The following RBFOX1 variants were observed in gnomAD, a reference collection of about 807,000 sequenced individuals.
RBFOX1 encodes RNA binding fox-1 homolog 1.
A neutral mutation model predicts 57.7 loss-of-function variants in RBFOX1; 8 were observed. That is an observed-to-expected ratio of 0.14 (90% confidence interval 0.08 to 0.25). RBFOX1 has a LOEUF of 0.25. Ranked by LOEUF, RBFOX1 falls within the 10% of genes least tolerant of loss-of-function variation. The pLI is 1.00. For synonymous variants in RBFOX1, 326 were observed against 222.4 expected, an observed-to-expected ratio of 1.47 and a Z score of -4.15; for missense variants, 611 against 548.5, an observed-to-expected ratio of 1.11 and a Z score of -1.14.
chr16:5,935,514 T>C (rs1035212231), intron 4 of RBFOX1, among the ~76,000 whole-genome samples: 19 of 152,222 alleles, frequency 1.2e-4, no homozygotes, highest in Admixed American at 2.0e-4. Context: ...CTGGGGTGAT[T>C]AGGGCCGGTG....
At chr16:5,878,008 C>G (rs1373863571) in intron 4 of RBFOX1, among the ~76,000 whole-genome samples, 2 of 152,218 alleles carry the variant, frequency 1.3e-5, no homozygotes, top group Non-Finnish European at 2.9e-5. Flanking sequence ...CACACTTGCT[C>G]TAGAACCAGT....
Position 5,407,679 on chromosome 16 carries a change from G to A in RBFOX1, c.220-59537G>A, listed in dbSNP as rs766894422. Among the ~76,000 whole-genome samples, 9 of 152,196 alleles carry A rather than the reference G, an allele frequency of 5.9e-5. No individual in the cohort carries two copies. The South Asian group carries it at 1.9e-3, about 32-fold the overall frequency. On this transcript the variant is annotated intron_variant, in intron 1 of 2. Coordinates refer to the RBFOX1 transcript ENST00000585867. ...TTATCCTGCCTCAGCCTCCTGAGTA[G>A]CTGGGATTACAGGGACCCACCACCA...
At chr16:7,444,484 A>G (rs1233600187) in intron 4 of RBFOX1, among the ~76,000 whole-genome samples, 1 of 152,180 alleles carries the variant, frequency 6.6e-6, no homozygotes, top group Non-Finnish European at 1.5e-5. Context: ...AGCTTTATAA[A>G]TAATAAAGAT....
At chr16:7,452,158 G>C (rs2098870941) in intron 4 of RBFOX1, among the ~76,000 whole-genome samples, 1 of 152,238 alleles carries the variant, frequency 6.6e-6, no homozygotes, top group African/African-American at 2.4e-5. Context: ...ATCCAGCCAA[G>C]TTACAGGCAG....
chr16:5,788,765 C>T (rs1206439044), intron 3 of RBFOX1, among the ~76,000 whole-genome samples: 1 of 152,046 alleles, frequency 6.6e-6, no homozygotes, highest in Non-Finnish European at 1.5e-5. Context: ...ACACAGCATC[C>T]CGAGAGTGAC....
At chr16:6,301,610 G>A (rs1255353225) in intron 1 of RBFOX1, among the ~76,000 whole-genome samples, 4 of 152,010 alleles carry the variant, frequency 2.6e-5, no homozygotes, top group Admixed American at 2.0e-4. Context: ...TGTCTGAGGA[G>A]GTGTGTGGGA....
chr16:6,071,130 C>G (rs1288806802), intron 1 of RBFOX1, among the ~76,000 whole-genome samples: 2 of 152,076 alleles, frequency 1.3e-5, no homozygotes, highest in Non-Finnish European at 2.9e-5. Flanking sequence ...TTCTACCAGC[C>G]TGGGTAACAT....
chr16:7,683,033 T>TATATATATATATATATAA (rs374375329), intron 14 of RBFOX1, among the ~76,000 whole-genome samples: 271 of 25,800 alleles, frequency 0.011, 17 homozygotes, highest in Middle Eastern at 0.017. Context: ...TATATATATA[T>TATATATATATATATATAA]AAAACAGTGC....
At chr16:5,848,616 C>T (rs2056814189) in intron 3 of RBFOX1, among the ~76,000 whole-genome samples, 1 of 152,088 alleles carries the variant, frequency 6.6e-6, no homozygotes, top group Non-Finnish European at 1.5e-5. Context: ...GCAAGGAAGT[C>T]TTCCTACAGC....
At chr16:5,443,566 C>T (rs1409448902) in intron 1 of RBFOX1, among the ~76,000 whole-genome samples, 2 of 152,270 alleles carry the variant, frequency 1.3e-5, no homozygotes, top group Non-Finnish European at 2.9e-5. Context: ...TCTTAAACTC[C>T]TGGCCTCAAG....
intron 3 of RBFOX1, among the ~76,000 whole-genome samples, chr16:6,804,733 T>G (rs1257727023): frequency 1.3e-5 from 2 of 152,142 alleles, no homozygotes; most frequent in Non-Finnish European, 2.9e-5. Context: ...ACTGTTTACT[T>G]CATGAGAGCC....
intron 4 of RBFOX1, among the ~76,000 whole-genome samples, chr16:7,488,773 T>C (rs894939806): frequency 6.6e-6 from 1 of 152,242 alleles, no homozygotes; most frequent in Non-Finnish European, 1.5e-5. Flanking sequence ...TTTGTATATG[T>C]ATACATCTAT....
chr16:6,633,600 T>C (rs12930301), intron 2 of RBFOX1, among the ~76,000 whole-genome samples: 9,694 of 152,176 alleles, frequency 0.064, 400 homozygotes, highest in Non-Finnish European at 0.091. Context: ...GGCCACATGT[T>C]CTGGAGTCTT....
At chr16:7,128,214 T>A (rs1041340953) in intron 4 of RBFOX1, among the ~76,000 whole-genome samples, 1 of 152,260 alleles carries the variant, frequency 6.6e-6, no homozygotes, top group African/African-American at 2.4e-5. Flanking sequence ...TAATAGCATG[T>A]ATTAAGTGCC....
At chr16:7,150,019 C>T (rs2075811466) in intron 4 of RBFOX1, among the ~76,000 whole-genome samples, 1 of 152,180 alleles carries the variant, frequency 6.6e-6, no homozygotes. Context: ...TCTGTTCTGA[C>T]TCAACAGAGA....
At chr16:5,695,274 C>CT (rs2050812915) in intron 3 of RBFOX1, among the ~76,000 whole-genome samples, 1 of 152,062 alleles carries the variant, frequency 6.6e-6, no homozygotes, top group Non-Finnish European at 1.5e-5. Context: ...TAAGAAGTCC[C>CT]TGGGTACTCA....
At chr16:5,821,791 T>A (rs2055866989) in intron 3 of RBFOX1, among the ~76,000 whole-genome samples, 1 of 152,290 alleles carries the variant, frequency 6.6e-6, no homozygotes, top group East Asian at 1.9e-4. Flanking sequence ...GGCTGCCCTC[T>A]TAGCATCCAG....
At chr16:6,807,124 G>A (rs2087038432) in intron 3 of RBFOX1, among the ~76,000 whole-genome samples, 3 of 151,712 alleles carry the variant, frequency 2.0e-5, no homozygotes, top group African/African-American at 4.8e-5. Context: ...GTAAGCCACC[G>A]TGCCCAGCCT....
At chr16:5,436,833 G>A (rs991753330) in intron 1 of RBFOX1, among the ~76,000 whole-genome samples, 3 of 150,646 alleles carry the variant, frequency 2.0e-5, no homozygotes, top group Non-Finnish European at 4.4e-5. Flanking sequence ...GCAAGACTCC[G>A]CTTCAAAAAA....
Sources: gnomAD v4.1 joint callset for allele counts (sites outside exome capture counted in the v4.1 genomes callset) on GRCh38, gnomAD v4.1.1 for gene constraint, MANE v1.5 for transcripts, NCBI Gene and HGNC (gene_info 2026-07-23, HGNC 2026-07-21) for gene names.